The following SDK1 variants were observed in gnomAD, a reference collection of about 807,000 sequenced individuals.
SDK1 encodes protein sidekick-1.
SDK1 carries 157 observed loss-of-function variants against 245.5 expected under a neutral mutation model. That is an observed-to-expected ratio of 0.64 (90% confidence interval 0.56 to 0.73). SDK1 has a LOEUF of 0.73. Among genes scored for constraint, SDK1 ranks in the 30% least tolerant of loss-of-function variants. SDK1 has a pLI of 0.00. For missense variants in SDK1, 3,583 were observed against 3,002.3 expected, an observed-to-expected ratio of 1.19 and a Z score of -4.52; for synonymous variants, 1,647 against 1,278.5, an observed-to-expected ratio of 1.29 and a Z score of -6.15.
chr7:3,951,670 A>G (rs1384294309), intron 6 of SDK1, 60 bp from the exon 7 acceptor site: 70 of 1,498,682 alleles, frequency 4.7e-5, no homozygotes, highest in Non-Finnish European at 6.1e-5. Flanking sequence ...GCCTGAGATG[A>G]TGACCGTTGC....
intron 40 of SDK1, among the ~76,000 whole-genome samples, chr7:4,222,558 G>A (rs1785204164): frequency 1.3e-5 from 2 of 152,192 alleles, no homozygotes; most frequent in African/African-American, 4.8e-5. Context: ...GCCTCCCAAA[G>A]TGACAGGATT....
chr7:3,535,702 G>T (rs1183755477), intron 1 of SDK1, among the ~76,000 whole-genome samples: 1 of 152,082 alleles, frequency 6.6e-6, no homozygotes, highest in Non-Finnish European at 1.5e-5. Flanking sequence ...TGTTTTCTGT[G>T]TATGTATATG....
intron 1 of SDK1, among the ~76,000 whole-genome samples, chr7:3,432,353 G>T (rs373672360): frequency 1.3e-5 from 2 of 151,888 alleles, no homozygotes; most frequent in East Asian, 3.9e-4. Context: ...GGCAGTTTCA[G>T]TTTATCTGTT....
chr7:3,948,598 G>A (rs1215463277), intron 5 of SDK1, among the ~76,000 whole-genome samples: 3 of 152,206 alleles, frequency 2.0e-5, no homozygotes, highest in South Asian at 2.1e-4. Context: ...GAATCAACAC[G>A]AAGGAGGGCT....
chr7:3,822,468 G>A (rs1477481785), intron 5 of SDK1, among the ~76,000 whole-genome samples: 2 of 152,174 alleles, frequency 1.3e-5, no homozygotes, highest in East Asian at 3.9e-4. Flanking sequence ...TCCCCTGCAA[G>A]TGATTTGAAA....
At chr7:3,378,686 A>AG (rs1781410986) in intron 1 of SDK1, among the ~76,000 whole-genome samples, 1 of 152,014 alleles carries the variant, frequency 6.6e-6, no homozygotes, top group South Asian at 2.1e-4. Flanking sequence ...TCACATTTGT[A>AG]GGTAAGGATC....
intron 4 of SDK1, among the ~76,000 whole-genome samples, chr7:3,652,787 G>A (rs1373991365): frequency 6.6e-6 from 1 of 152,198 alleles, no homozygotes; most frequent in Non-Finnish European, 1.5e-5. Context: ...TTCACACAAG[G>A]TTGAAGTGTA....
chr7:3,640,138 A>G (rs541216816), intron 3 of SDK1, among the ~76,000 whole-genome samples: 1 of 152,284 alleles, frequency 6.6e-6, no homozygotes, highest in East Asian at 1.9e-4. Flanking sequence ...TGGGATTACA[A>G]GAGTGAGCTT....
intron 1 of SDK1, among the ~76,000 whole-genome samples, chr7:3,558,555 C>T (rs1779658265): frequency 6.6e-6 from 1 of 152,118 alleles, no homozygotes; most frequent in Non-Finnish European, 1.5e-5. Flanking sequence ...CTGGTACAGG[C>T]CATGTGGACA....
intron 1 of SDK1, among the ~76,000 whole-genome samples, chr7:3,491,628 C>G (rs546140716): frequency 6.6e-5 from 10 of 152,330 alleles, no homozygotes; most frequent in East Asian, 1.9e-4. Flanking sequence ...ATAGCTATAT[C>G]TCTCCTGAAG....
chr7:3,679,951 C>G (rs546025259), intron 4 of SDK1, among the ~76,000 whole-genome samples: 1 of 152,114 alleles, frequency 6.6e-6, no homozygotes, highest in African/African-American at 2.4e-5. Flanking sequence ...AAAATGCACA[C>G]GCAAATGTTC....
chr7:3,610,124 T>C (rs1412727233), intron 1 of SDK1, among the ~76,000 whole-genome samples: 3 of 152,248 alleles, frequency 2.0e-5, no homozygotes, highest in African/African-American at 7.2e-5. Context: ...TTGGTTGGAC[T>C]TAGATGTCCT....
intron 1 of SDK1, among the ~76,000 whole-genome samples, chr7:3,556,854 G>A (rs1779601704): frequency 6.6e-6 from 1 of 152,072 alleles, no homozygotes; most frequent in East Asian, 1.9e-4. Context: ...GTAACACAAA[G>A]AAGGGATTAG....
chr7:3,562,480 T>TA lies in SDK1; in HGVS notation c.299-56595dup, dbSNP rs145598211. Among the ~76,000 whole-genome samples the TA allele has an allele frequency of 8.4e-3, 1,279 of 152,264 alleles. 23 individuals are homozygous for TA. Among genetic ancestry groups the TA allele is most frequent in the African/African-American group, 0.029 (1,201 of 41,548 alleles). On this transcript the variant is annotated intron_variant, in intron 1 of 44. Coordinates refer to ENST00000404826, the MANE Select transcript of SDK1 (RefSeq NM_152744.4). ...AAAAGCTAGAGGGATGCATGGGTGC[T>TA]AAAAACTAACAACAAAAATGCTAGG...
intron 1 of SDK1, among the ~76,000 whole-genome samples, chr7:3,366,829 C>T (rs1781105550): frequency 6.6e-6 from 1 of 152,058 alleles, no homozygotes; most frequent in African/African-American, 2.4e-5. Flanking sequence ...GCAACCTCTG[C>T]CTCCTGGGTT....
At chr7:3,722,782 T>A (rs1778857509) in intron 4 of SDK1, among the ~76,000 whole-genome samples, 1 of 152,120 alleles carries the variant, frequency 6.6e-6, no homozygotes, top group Admixed American at 6.5e-5. Context: ...CCTCTGTCTG[T>A]TCTTAGGTCT....
chr7:4,064,260 G>A (rs1032293723), intron 19 of SDK1, among the ~76,000 whole-genome samples: 4 of 151,896 alleles, frequency 2.6e-5, no homozygotes, highest in Admixed American at 6.6e-5. Context: ...AGTGGGCAAG[G>A]GACATGAATA....
rs113941115 is a variant in SDK1, at chr7:3,635,423, C to G, written c.459-3581C>G. Among the ~76,000 whole-genome samples the G allele has an allele frequency of 2.5e-4, 38 of 152,284 alleles. 1 individual carries two copies. The highest frequency in any genetic ancestry group is 7.8e-4 in the Admixed American group (12 of 15,292). On this transcript the variant is annotated intron_variant, in intron 2 of 44. Coordinates refer to ENST00000404826, the MANE Select transcript of SDK1 (RefSeq NM_152744.4). ...TCGCTTAAAATTATGCCTATCAGTT[C>G]CTTTTTCAGGTTGCCTAATTGTGCA...
chr7:3,589,345 G>C (rs1157546284), intron 1 of SDK1, among the ~76,000 whole-genome samples: 1 of 152,308 alleles, frequency 6.6e-6, no homozygotes, highest in East Asian at 1.9e-4. Context: ...TGGGCCTTTT[G>C]ACATCAGTAC....
Sources: allele counts gnomAD v4.1 joint callset (sites outside exome capture counted in the v4.1 genomes callset), GRCh38; gene constraint gnomAD v4.1.1; transcripts MANE v1.5; gene names NCBI Gene and HGNC (gene_info 2026-07-23, HGNC 2026-07-21).